The following SNRPD3 variants were observed in gnomAD, a reference collection of about 807,000 sequenced individuals.
SNRPD3 encodes the protein small nuclear ribonucleoprotein D3 polypeptide, also known as small nuclear ribonucleoprotein Sm D3.
For synonymous variants in SNRPD3, 66 were observed against 58.4 expected (o/e 1.13, Z -0.59); for missense variants, 73 against 167.5 (o/e 0.44, Z 3.11).
intron 2 of SNRPD3, among the ~76,000 whole-genome samples, chr22:24,562,403 G>A (rs533927910): frequency 6.4e-4 from 98 of 152,232 alleles, no homozygotes; most frequent in Middle Eastern, 6.8e-3. Flanking sequence ...AATTAGCCAG[G>A]TGTGGTGGCG....
intron 1 of SNRPD3, among the ~76,000 whole-genome samples, chr22:24,556,823 T>A (rs1226993419): frequency 2.6e-5 from 4 of 152,356 alleles, no homozygotes; most frequent in Non-Finnish European, 5.9e-5. Flanking sequence ...CTGTCTTAGG[T>A]ACGCTTAAGT....
chr22:24,560,715 CTTTT>C (rs59348518), intron 2 of SNRPD3, among the ~76,000 whole-genome samples: 3,192 of 98,792 alleles, frequency 0.032, 681 homozygotes, highest in African/African-American at 0.061. Flanking sequence ...TGCACCTGGC[CTTTT>C]TTTTTTTTTT....
At chr22:24,566,356 C>T (rs1206059119) in intron 2 of SNRPD3, among the ~76,000 whole-genome samples, 1 of 152,168 alleles carries the variant, frequency 6.6e-6, no homozygotes, top group Non-Finnish European at 1.5e-5. Flanking sequence ...CCTGCAGCCT[C>T]GACCTCCCAG....
At chr22:24,558,067 A>G (rs978970600) in intron 2 of SNRPD3, 3 of 271,128 alleles carry the variant, frequency 1.1e-5, no homozygotes, top group African/African-American at 2.3e-5. Flanking sequence ...ATGGGGGTCT[A>G]TTTGGGAGAA....
chr22:24,564,883 CATT>C (rs2045181681), intron 2 of SNRPD3, among the ~76,000 whole-genome samples: 1 of 127,154 alleles, frequency 7.9e-6, no homozygotes. Context: ...TTGCCTTGTT[CATT>C]TTTTTTTTTT....
intron 1 of SNRPD3, among the ~76,000 whole-genome samples, chr22:24,556,504 C>T (rs989764263): frequency 6.6e-6 from 1 of 152,226 alleles, no homozygotes; most frequent in Non-Finnish European, 1.5e-5. Flanking sequence ...AGCCACCGCG[C>T]CCAGCCGGTC....
At chr22:24,557,893 C>G (rs571601270) in intron 2 of SNRPD3, 93 bp downstream of exon 2, 12 of 1,322,136 alleles carry the variant, frequency 9.1e-6, no homozygotes, top group Non-Finnish European at 1.2e-5. Context: ...GGAAATTGTT[C>G]TCATTCAGCA....
intron 3 of SNRPD3, among the ~76,000 whole-genome samples, chr22:24,570,708 C>G (rs2045241704): frequency 4.6e-5 from 7 of 151,888 alleles, no homozygotes; most frequent in Admixed American, 4.6e-4. Flanking sequence ...TTTATTTGTT[C>G]TTCAAAGCCT....
intron 2 of SNRPD3, among the ~76,000 whole-genome samples, chr22:24,561,064 C>CTTTTTTTTTTTTTTTTTTTTTT (rs1164120857): frequency 2.8e-4 from 17 of 61,686 alleles, no homozygotes; most frequent in South Asian, 7.4e-4. Flanking sequence ...TTTTTCTTTT[C>CTTTTTTTTTTTTTTTTTTTTTT]TTTTTTTTTT....
intron 2 of SNRPD3, among the ~76,000 whole-genome samples, chr22:24,563,538 T>G (rs866708391): frequency 1.1e-4 from 16 of 152,226 alleles, no homozygotes; most frequent in Middle Eastern, 3.4e-3. Flanking sequence ...GCTGTTGGCA[T>G]AAGTGAGAAA....
At position 24,572,471 on chromosome 22, in the gene SNRPD3, G is replaced by A. The variant is rs2045258112; in HGVS notation, c.*494G>A. The A allele has an allele frequency of 3.6e-6, 1 of 276,266 alleles. No homozygotes were observed. The highest frequency in any genetic ancestry group is 6.9e-6 in the Non-Finnish European group (1 of 144,540). The allele number at this position is 276,266 out of a possible 1,614,324, so 17.1% of individuals were successfully genotyped here. On this transcript the variant is annotated 3_prime_UTR_variant, in exon 4 of 4. Transcript: ENST00000215829. ...ACTCTTTCCCTTGATAAAGTCATAG[G>A]TAATTCAGGGGCTGGGTGCGGCGGC...
At chr22:24,568,944 C>T (rs1321445810) in intron 3 of SNRPD3, among the ~76,000 whole-genome samples, 2 of 152,140 alleles carry the variant, frequency 1.3e-5, no homozygotes, top group Admixed American at 1.3e-4. Flanking sequence ...CCTGACCTCA[C>T]ATGATCCACC....
At chr22:24,562,180 T>G (rs528076516) in intron 2 of SNRPD3, among the ~76,000 whole-genome samples, 43 of 152,380 alleles carry the variant, frequency 2.8e-4, no homozygotes, top group Non-Finnish European at 4.7e-4. Context: ...GTATTTACTT[T>G]TTATTCTATC....
chr22:24,572,752 C>T lies in SNRPD3; in HGVS notation c.*775C>T, dbSNP rs1341417269. 1 of 152,092 alleles carries T rather than the reference C, an allele frequency of 6.6e-6. No homozygotes were observed. Among genetic ancestry groups the T allele is most frequent in the Non-Finnish European group, 1.5e-5 (1 of 68,486 alleles). The allele number at this position is 152,092 out of a possible 1,614,324, so 9.4% of individuals were successfully genotyped here. ...CTCCAGCTTGGGTGACAGAGCGAGA[C>T]TGCACCTCAAAAAAAAAAAAGTAAT... is the stretch of plus-strand genomic sequence containing the variant. On this transcript the variant is annotated 3_prime_UTR_variant, in exon 4 of 4. Transcript: ENST00000215829.
intron 3 of SNRPD3, among the ~76,000 whole-genome samples, chr22:24,569,793 T>G (rs1225260026): frequency 6.6e-6 from 1 of 152,248 alleles, no homozygotes; most frequent in Non-Finnish European, 1.5e-5. Flanking sequence ...TTTACTGGTT[T>G]ATAACAGGAT....
chr22:24,573,323 G>T lies in SNRPD3; in HGVS notation c.*1346G>T, dbSNP rs2045264999. 6.6e-6 allele frequency among the ~76,000 whole-genome samples: 1 copy of T among 152,190 alleles called. No homozygotes were observed. The highest frequency in any genetic ancestry group is 2.1e-4 in the South Asian group (1 of 4,824). ...AAATCACCAAAAAGAGGTCTTGCCAGGTATTCATTATGGTATGAGCTACAG... is the reference window on the plus strand; with the variant it reads ...AAATCACCAAAAAGAGGTCTTGCCATGTATTCATTATGGTATGAGCTACAG... On this transcript the variant is annotated 3_prime_UTR_variant, in exon 4 of 4. Coordinates refer to ENST00000215829, the MANE Select transcript of SNRPD3 (RefSeq NM_004175.5).
chr22:24,564,608 G>C (rs989031942), intron 2 of SNRPD3, among the ~76,000 whole-genome samples: 1 of 152,212 alleles, frequency 6.6e-6, no homozygotes, highest in African/African-American at 2.4e-5. Context: ...GAGCCTGGTT[G>C]TTAGGGTTAA....
intron 3 of SNRPD3, among the ~76,000 whole-genome samples, chr22:24,569,733 C>T (rs1046917445): frequency 1.3e-5 from 2 of 152,114 alleles, no homozygotes; most frequent in African/African-American, 2.4e-5. Flanking sequence ...TCCTTGGGTT[C>T]GATTAATTTG....
intron 2 of SNRPD3, 100 bp downstream of exon 2, chr22:24,557,900 A>G: frequency 7.9e-7 from 1 of 1,262,546 alleles, no homozygotes; most frequent in Non-Finnish European, 1.1e-6. Flanking sequence ...GTTCTCATTC[A>G]GCAGTGATTT....
Sources: gnomAD v4.1 joint callset for allele counts (sites outside exome capture counted in the v4.1 genomes callset) on GRCh38, gnomAD v4.1.1 for gene constraint, MANE v1.5 for transcripts, NCBI Gene and HGNC (gene_info 2026-07-23, HGNC 2026-07-21) for gene names.